The following TNS3 variants were observed in gnomAD, a reference collection of about 807,000 sequenced individuals.
TNS3 encodes tensin-3.
In TNS3, 45 loss-of-function variants were observed where a neutral mutation model predicts 140.9. The ratio of observed to expected loss-of-function variants is 0.32; its 90% CI spans 0.25 to 0.41. TNS3 has a LOEUF of 0.41. TNS3 is among the 10% of genes least tolerant of loss of function. TNS3 has a pLI of 1.00. For synonymous variants in TNS3, 815 were observed against 788.4 expected (o/e 1.03, Z -0.56); for missense variants, 1,716 against 1,906.7 (o/e 0.90, Z 1.86).
chr7:47,518,801 T>C (rs1798868292), intron 2 of TNS3, among the ~76,000 whole-genome samples: 1 of 152,244 alleles, frequency 6.6e-6, no homozygotes, highest in Non-Finnish European at 1.5e-5. Flanking sequence ...GTATCAGTTA[T>C]TGTCCTCATG....
rs1008974468 is a variant in TNS3, at chr7:47,302,947, T to C, written c.3457+3A>G. The C allele has an allele frequency of 1.3e-6, 2 of 1,593,920 alleles. No individual in the cohort carries two copies. The highest frequency in any genetic ancestry group is 1.3e-5 in the African/African-American group (1 of 74,534). ...CCTTCCAACCAGCTGGAAACACACC[T>C]ACCTGGCAGAGGTGAGGCCGCTTCT... On this transcript the variant is annotated splice_donor_region_variant and intron_variant, in intron 22 of 30. Coordinates refer to ENST00000311160, the MANE Select transcript of TNS3 (RefSeq NM_022748.12).
intron 16 of TNS3, among the ~76,000 whole-genome samples, chr7:47,383,333 C>A (rs1290682400): frequency 1.3e-5 from 2 of 152,052 alleles, no homozygotes; most frequent in Non-Finnish European, 2.9e-5. Flanking sequence ...AGTGAGATGT[C>A]CGGAATGGGA....
chr7:47,444,249 A>T (rs531765000), intron 4 of TNS3, among the ~76,000 whole-genome samples: 1 of 152,192 alleles, frequency 6.6e-6, no homozygotes, highest in Non-Finnish European at 1.5e-5. Flanking sequence ...ATCTGACTAT[A>T]TGTGTCCCAC....
intron 8 of TNS3, among the ~76,000 whole-genome samples, chr7:47,429,813 A>G (rs573371037): frequency 1.1e-4 from 16 of 152,338 alleles, no homozygotes; most frequent in African/African-American, 3.8e-4. Flanking sequence ...AATTCTGATA[A>G]GCCCAGTCAT....
chr7:47,465,212 C>T (rs146406105), intron 4 of TNS3, among the ~76,000 whole-genome samples: 2 of 152,236 alleles, frequency 1.3e-5, no homozygotes, highest in East Asian at 1.9e-4. Context: ...GGGTTTTCAG[C>T]GAAACATTTC....
chr7:47,280,403 G>T, intron 28 of TNS3, 49 bp from the exon 29 acceptor site: 1 of 1,562,926 alleles, frequency 6.4e-7, no homozygotes, highest in Non-Finnish European at 8.8e-7. Context: ...TAGGGCTTTT[G>T]GGTGATGGGG....
chr7:47,338,451 G>A (rs1052532936), intron 20 of TNS3, among the ~76,000 whole-genome samples: 5 of 152,048 alleles, frequency 3.3e-5, no homozygotes, highest in Non-Finnish European at 5.9e-5. Flanking sequence ...ATCTTTTCAC[G>A]TGCTCATAAG....
intron 20 of TNS3, among the ~76,000 whole-genome samples, chr7:47,321,480 T>C (rs1474558070): frequency 6.6e-6 from 1 of 152,210 alleles, no homozygotes; most frequent in Admixed American, 6.5e-5. Flanking sequence ...CAGCAGGGTG[T>C]GTCGGCATTT....
rs1799614744 is a variant in TNS3 at position 47,536,818 on chromosome 7, C to T, written c.-264-7671G>A. 3.9e-5 allele frequency among the ~76,000 whole-genome samples: 6 copies of T among 152,292 alleles called. No individual in the cohort carries two copies. In the South Asian group the frequency reaches 1.2e-3, roughly 32 times the overall value. On this transcript the variant is annotated intron_variant, in intron 1 of 30. Transcript: ENST00000311160. ...GCACACACAGACGCGCGCTCACAAG[C>T]ACACACGCGTGGACGTGCAGACGGG... is the stretch of plus-strand genomic sequence containing the variant.
intron 16 of TNS3, among the ~76,000 whole-genome samples, chr7:47,379,235 A>T (rs1791601497): frequency 6.6e-6 from 1 of 152,172 alleles, no homozygotes; most frequent in Non-Finnish European, 1.5e-5. Context: ...CCCAGTCAGG[A>T]AGCGATATCT....
At chr7:47,456,483 A>G (rs1206385744) in intron 4 of TNS3, among the ~76,000 whole-genome samples, 2 of 152,196 alleles carry the variant, frequency 1.3e-5, no homozygotes, top group South Asian at 2.1e-4. Flanking sequence ...TAAGGTAAGC[A>G]TGCAAAGTGC....
At chr7:47,344,464 C>T (rs1789200991) in intron 20 of TNS3, among the ~76,000 whole-genome samples, 2 of 152,190 alleles carry the variant, frequency 1.3e-5, no homozygotes, top group Admixed American at 1.3e-4. Flanking sequence ...TTCAAAAGCA[C>T]CAATGCTAAG....
At chr7:47,477,293 A>T (rs184900560) in intron 4 of TNS3, among the ~76,000 whole-genome samples, 3 of 152,278 alleles carry the variant, frequency 2.0e-5, no homozygotes, top group Non-Finnish European at 2.9e-5. Flanking sequence ...TCGATAAAAC[A>T]TGCTGGGATG....
rs187185313 is a variant in TNS3 at position 47,562,043 on chromosome 7, T to C, written c.-265+20008A>G. Among the ~76,000 whole-genome samples, 302 of 152,354 alleles carry C rather than the reference T, an allele frequency of 2.0e-3. 1 individual carries two copies. Among genetic ancestry groups the C allele is most frequent in the Non-Finnish European group, 7.2e-4 (49 of 68,032 alleles). ...CTGGTAACCTGAATAGGTCAATCCT[T>C]ACTAACAGCCCAAGGTGGCAAGTAA... On this transcript the variant is annotated intron_variant, in intron 1 of 30. Transcript: ENST00000311160.
chr7:47,435,526 C>T, intron 7 of TNS3, 122 bp from the exon 8 acceptor site: 1 of 1,428,432 alleles, frequency 7.0e-7, no homozygotes, highest in Non-Finnish European at 9.6e-7. Flanking sequence ...GCTGGGTGAC[C>T]CTTTCCTAAA....
intron 1 of TNS3, among the ~76,000 whole-genome samples, chr7:47,542,916 G>A (rs1799828225): frequency 9.3e-6 from 1 of 107,038 alleles, no homozygotes; most frequent in Non-Finnish European, 1.9e-5. Context: ...GGGGAACAGT[G>A]CAAGACTGTC....
chr7:47,364,179 CAA>C (rs1211989938), intron 17 of TNS3, among the ~76,000 whole-genome samples: 1 of 151,852 alleles, frequency 6.6e-6, no homozygotes, highest in East Asian at 1.9e-4. Context: ...ATTTTAAAAT[CAA>C]AAGAGTTCCA....
At chr7:47,394,919 G>A (rs575574042) in intron 16 of TNS3, among the ~76,000 whole-genome samples, 4 of 152,334 alleles carry the variant, frequency 2.6e-5, no homozygotes, top group South Asian at 4.1e-4. Flanking sequence ...GGACAAGAGC[G>A]GGGCACCCAA....
In TNS3 at chr7:47,442,003, C is replaced by G. The variant is rs866327664; in HGVS notation, c.-23G>C. On this transcript the variant is annotated splice_region_variant and 5_prime_UTR_variant, in exon 5 of 31. Coordinates refer to ENST00000311160, the MANE Select transcript of TNS3 (RefSeq NM_022748.12). ...ATGCATGACCCACACAGACACTCAC[C>G]GCAGAGGTTTATCACGGCAGAGAGA... 1.6e-6 allele frequency: 2 copies of G among 1,290,220 alleles called. No individual in the cohort carries two copies. The highest frequency in any genetic ancestry group is 5.5e-5 in the East Asian group (1 of 18,030). 79.9% of individuals were successfully genotyped at this position (1,290,220 alleles called of 1,614,324 possible). A position where few individuals can be genotyped will look rare whatever the true frequency, so the allele number is the denominator to read the frequency against.
Sources: gnomAD v4.1 joint callset for allele counts (sites outside exome capture counted in the v4.1 genomes callset) on GRCh38, gnomAD v4.1.1 for gene constraint, MANE v1.5 for transcripts, NCBI Gene and HGNC (gene_info 2026-07-23, HGNC 2026-07-21) for gene names.